FOXN2: variants seen among roughly 807,000 people sequenced by gnomAD.
FOXN2 encodes the protein forkhead box N2.
FOXN2 carries 19 observed loss-of-function variants against 41.2 expected under a neutral mutation model. The ratio of observed to expected loss-of-function variants is 0.46; its 90% CI spans 0.32 to 0.68. The LOEUF (loss-of-function observed/expected upper bound fraction) is 0.68. Ranked by LOEUF, FOXN2 falls within the 30% of genes least tolerant of loss-of-function variation. FOXN2 has a pLI of 0.03. For missense variants in FOXN2, 587 were observed against 509.4 expected (o/e 1.15, Z -1.47); for synonymous variants, 195 against 176.8 (o/e 1.10, Z -0.82).
At chr2:48,344,847 C>G (rs1391527333) in intron 2 of FOXN2, among the ~76,000 whole-genome samples, 2 of 149,794 alleles carry the variant, frequency 1.3e-5, no homozygotes, top group South Asian at 2.2e-4. Context: ...GGTACCCCCC[C>G]CCCCCAATTA....
At chr2:48,328,152 C>T (rs764217359) in intron 1 of FOXN2, among the ~76,000 whole-genome samples, 6 of 152,202 alleles carry the variant, frequency 3.9e-5, no homozygotes, top group Admixed American at 6.5e-5. Context: ...GACAAGACCA[C>T]GTGTTTATAT....
chr2:48,358,262 G>T (rs531952441), intron 3 of FOXN2, among the ~76,000 whole-genome samples: 1 of 151,256 alleles, frequency 6.6e-6, no homozygotes, highest in African/African-American at 2.4e-5. Context: ...CAACCCTTAC[G>T]TACGTCAGTT....
chr2:48,356,106 A>G (rs780151303), intron 3 of FOXN2, among the ~76,000 whole-genome samples: 44 of 152,242 alleles, frequency 2.9e-4, no homozygotes, highest in African/African-American at 8.9e-4. Flanking sequence ...CCTGGATGAC[A>G]GAGCAAGACT....
At chr2:48,371,583 C>T (rs1222066291) in intron 5 of FOXN2, among the ~76,000 whole-genome samples, 1 of 151,830 alleles carries the variant, frequency 6.6e-6, no homozygotes, top group Non-Finnish European at 1.5e-5. Flanking sequence ...GATTCTTTTG[C>T]CTATTTGGGG....
rs527880255 is a variant in FOXN2, at chr2:48,326,363, C to T, written c.-156-2198C>T. On this transcript the variant is annotated intron_variant, in intron 1 of 6. Transcript: ENST00000340553. ...GAAAGGTTAGAGCATGGCTAAAATACGCAGGGTCTTGTATACAAGGTTAAG... is the reference window on the plus strand; with the variant it reads ...GAAAGGTTAGAGCATGGCTAAAATATGCAGGGTCTTGTATACAAGGTTAAG... Among the ~76,000 whole-genome samples, 6 of 150,118 alleles carry T rather than the reference C, an allele frequency of 4.0e-5. No individual in the cohort carries two copies. The East Asian group carries it at 5.9e-4, about 15-fold the overall frequency.
intron 2 of FOXN2, among the ~76,000 whole-genome samples, chr2:48,343,198 A>C (rs758621818): frequency 2.0e-5 from 3 of 152,324 alleles, no homozygotes; most frequent in Middle Eastern, 3.4e-3. Flanking sequence ...TATTAGCTTT[A>C]GAACCTTAGG....
At chr2:48,346,849 C>T (rs1237184952) in intron 3 of FOXN2, 98 bp downstream of exon 3, 4 of 986,484 alleles carry the variant, frequency 4.1e-6, no homozygotes, top group Non-Finnish European at 4.4e-6. Flanking sequence ...AATAAGTAGT[C>T]AAGTCAAATT....
chr2:48,368,352 A>G (rs1246687479), intron 5 of FOXN2, among the ~76,000 whole-genome samples: 1 of 152,202 alleles, frequency 6.6e-6, no homozygotes, highest in African/African-American at 2.4e-5. Flanking sequence ...AAATGTGACA[A>G]TAAACAAATG....
At chr2:48,362,269 A>G (rs941073697) in intron 4 of FOXN2, among the ~76,000 whole-genome samples, 6 of 152,204 alleles carry the variant, frequency 3.9e-5, no homozygotes, top group African/African-American at 7.2e-5. Context: ...ACTAAGTTCT[A>G]TAAAAAGTGA....
intron 2 of FOXN2, among the ~76,000 whole-genome samples, chr2:48,344,718 T>C (rs1050457552): frequency 3.3e-5 from 5 of 152,106 alleles, no homozygotes; most frequent in African/African-American, 1.2e-4. Flanking sequence ...GTTCTACATC[T>C]AAAATTAACT....
intron 5 of FOXN2, among the ~76,000 whole-genome samples, chr2:48,365,127 A>T (rs937943039): frequency 2.0e-5 from 3 of 152,194 alleles, no homozygotes; most frequent in African/African-American, 7.2e-5. Context: ...ATTTCAGATG[A>T]AAACCTTTCT....
chr2:48,366,953 A>G (rs1385715594), intron 5 of FOXN2, among the ~76,000 whole-genome samples: 3 of 152,132 alleles, frequency 2.0e-5, no homozygotes, highest in African/African-American at 4.8e-5. Flanking sequence ...AAACTTACAT[A>G]TTCATCTAAC....
rs747863283 is a variant in FOXN2, at chr2:48,346,551, C to G, written c.337C>G (p.Pro113Ala). ...NPEKKSATSKPPYSFSLLIYM... is the reference protein window; with the variant it reads ...NPEKKSATSKAPYSFSLLIYM... ...AGAAAAAAAATCAGCGACTTCAAAG[C>G]CCCCATACTCCTTTAGTCTTCTCAT... Residue 113 changes from proline to alanine, a missense_variant, in exon 3 of 7, where the codon CCC becomes GCC. Pro to Ala is a conservative substitution (Grantham distance 27). Transcript: ENST00000340553. The G allele has an allele frequency of 6.3e-5, 102 of 1,613,166 alleles. No homozygotes were observed. The highest frequency in any genetic ancestry group is 1.3e-5 in the African/African-American group (1 of 74,796).
intron 5 of FOXN2, among the ~76,000 whole-genome samples, chr2:48,363,571 C>T (rs774561128): frequency 7.2e-5 from 11 of 152,154 alleles, no homozygotes; most frequent in African/African-American, 2.2e-4. Flanking sequence ...AGAGCAATTC[C>T]GGTCCTTCAA....
intron 1 of FOXN2, among the ~76,000 whole-genome samples, chr2:48,319,555 A>G (rs890468212): frequency 6.6e-6 from 1 of 151,840 alleles, no homozygotes; most frequent in Non-Finnish European, 1.5e-5. Context: ...TTTCTAAAAT[A>G]TGTCATTAAT....
chr2:48,362,766 G>A, intron 5 of FOXN2, 59 bp downstream of exon 5: 1 of 1,380,406 alleles, frequency 7.2e-7, no homozygotes, highest in Non-Finnish European at 1.0e-6. Context: ...TCAACAACAG[G>A]CAGTGCATAA....
At chr2:48,339,258 C>G (rs1395579452) in intron 2 of FOXN2, among the ~76,000 whole-genome samples, 1 of 152,138 alleles carries the variant, frequency 6.6e-6, no homozygotes, top group Admixed American at 6.5e-5. Context: ...CCACCCAGAT[C>G]TCATCTTTAA....
intron 2 of FOXN2, among the ~76,000 whole-genome samples, chr2:48,330,378 T>A (rs1669952255): frequency 1.3e-5 from 2 of 152,216 alleles, no homozygotes; most frequent in African/African-American, 4.8e-5. Flanking sequence ...ATAATTGAAC[T>A]AATTGCTATG....
At chr2:48,324,304 C>G (rs1669525550) in intron 1 of FOXN2, among the ~76,000 whole-genome samples, 2 of 151,200 alleles carry the variant, frequency 1.3e-5, no homozygotes, top group Admixed American at 1.3e-4. Flanking sequence ...AAGTGAGTCT[C>G]CTGCCCCAGC....
Sources: allele counts gnomAD v4.1 joint callset (sites outside exome capture counted in the v4.1 genomes callset), GRCh38; gene constraint gnomAD v4.1.1; transcripts MANE v1.5; gene names NCBI Gene and HGNC (gene_info 2026-07-23, HGNC 2026-07-21).